Variants in PCNT observed in about 807,000 individuals in gnomAD.
PCNT encodes the protein kendrin.
A neutral mutation model predicts 380.4 loss-of-function variants in PCNT; 319 were observed. That is an observed-to-expected ratio of 0.84 (90% CI 0.77 to 0.92). The LOEUF (loss-of-function observed/expected upper bound fraction) is 0.92, where lower values mean the gene tolerates loss of function less well. Ranked by LOEUF, PCNT falls within the 40% of genes least tolerant of loss-of-function variation. PCNT has a pLI of 0.00. For missense variants in PCNT, 4,400 were observed against 4,255.3 expected (o/e 1.03, Z -0.95); for synonymous variants, 1,845 against 1,735.2 (o/e 1.06, Z -1.57).
chr21:46,369,237 T>C (rs2085035450), intron 15 of PCNT, among the ~76,000 whole-genome samples: 1 of 152,226 alleles, frequency 6.6e-6, no homozygotes, highest in Non-Finnish European at 1.5e-5. Context: ...GTGTTTTGTT[T>C]GTTTCTTTTT....
chr21:46,439,222 GC>G (rs1041123203), intron 41 of PCNT, among the ~76,000 whole-genome samples: 10 of 151,834 alleles, frequency 6.6e-5, no homozygotes, highest in Admixed American at 1.3e-4. Context: ...CACAGCGATG[GC>G]CCCCCCAAAA....
At chr21:46,330,434 T>C (rs1377404807) in intron 2 of PCNT, among the ~76,000 whole-genome samples, 2 of 152,254 alleles carry the variant, frequency 1.3e-5, no homozygotes, top group Non-Finnish European at 2.9e-5. Context: ...TTATTTTCTT[T>C]ATACATGTAT....
chr21:46,444,646 TC>T lies in PCNT; in HGVS notation c.9840-47del, dbSNP rs1306978665. 5 of 1,363,694 alleles carry T rather than the reference TC, an allele frequency of 3.7e-6. No individual in the cohort carries two copies. In the South Asian group the frequency reaches 4.8e-5, roughly 13 times the overall value. 84.5% of individuals were successfully genotyped at this position (1,363,694 alleles called of 1,614,324 possible). ...CATGGCTCCGTCTGTCAAACTCAAC[TC>T]TTTTTTTTTTTTTTTTTCTTCTCTT... is the stretch of plus-strand genomic sequence containing the variant. On this transcript the variant is annotated intron_variant, in intron 45 of 46. Transcript: ENST00000359568.
chr21:46,345,748 C>T (rs1377159919), intron 3 of PCNT, among the ~76,000 whole-genome samples: 1 of 152,216 alleles, frequency 6.6e-6, no homozygotes, highest in Non-Finnish European at 1.5e-5. Context: ...CGCTCTCCTC[C>T]CTCAGCTCCT....
intron 21 of PCNT, among the ~76,000 whole-genome samples, chr21:46,395,129 C>G (rs1157779489): frequency 1.3e-5 from 2 of 152,204 alleles, no homozygotes; most frequent in African/African-American, 4.8e-5. Flanking sequence ...GCGGACTCGC[C>G]GTTAACTGCT....
rs373468550 is a variant in PCNT, at chr21:46,437,130, G to A, written c.9099+49G>A. ...CCCTGGCCTGGCTCCTCCCCCAGAG[G>A]GGCCCTCTCGGCAGCTTTGTGGTTC... is the stretch of plus-strand genomic sequence containing the variant. On this transcript the variant is annotated intron_variant, in intron 40 of 46. Transcript: ENST00000359568. The A allele has an allele frequency of 1.9e-4, 231 of 1,235,764 alleles. 2 individuals carry two copies. The Middle Eastern group carries it at 7.2e-3, about 39-fold the overall frequency. 76.5% of individuals were successfully genotyped at this position (1,235,764 alleles called of 1,614,324 possible). A position where few individuals can be genotyped will look rare whatever the true frequency, so the allele number is the denominator to read the frequency against.
chr21:46,406,454 C>T (rs1195541024), intron 27 of PCNT, among the ~76,000 whole-genome samples: 1 of 152,146 alleles, frequency 6.6e-6, no homozygotes, highest in African/African-American at 2.4e-5. Flanking sequence ...ACACATACAC[C>T]TTTTGTATGT....
At position 46,418,202 on chromosome 21, in the gene PCNT, A is replaced by T. The variant is rs1231983449; in HGVS notation, c.6922-2A>T. On this transcript the variant is annotated splice_acceptor_variant, in intron 30 of 46. Coordinates refer to ENST00000359568, the MANE Select transcript of PCNT (RefSeq NM_006031.6). LOFTEE classifies it high-confidence loss of function. Reference sequence around the variant, plus strand: ...TATGACCATTTAAAAATCTCTTAACAGGAGAAAGATGTCGAAGATTTTATC... The same window carrying T: ...TATGACCATTTAAAAATCTCTTAACTGGAGAAAGATGTCGAAGATTTTATC... 1.3e-6 allele frequency: 2 copies of T among 1,546,482 alleles called. No homozygotes were observed. Among genetic ancestry groups the T allele is most frequent in the Admixed American group, 1.7e-5 (1 of 59,386 alleles).
At chr21:46,338,259 A>G (rs1436024361) in intron 3 of PCNT, among the ~76,000 whole-genome samples, 1 of 152,122 alleles carries the variant, frequency 6.6e-6, no homozygotes, top group Non-Finnish European at 1.5e-5. Flanking sequence ...ACCCTCGAGA[A>G]CAACCCCAGC....
At chr21:46,362,242 A>T (rs2084747503) in intron 13 of PCNT, among the ~76,000 whole-genome samples, 1 of 152,192 alleles carries the variant, frequency 6.6e-6, no homozygotes, top group Non-Finnish European at 1.5e-5. Context: ...CAGGCGTTGC[A>T]GCTCTCTTTC....
intron 39 of PCNT, among the ~76,000 whole-genome samples, chr21:46,436,552 A>G (rs1293659348): frequency 6.9e-6 from 1 of 145,952 alleles, no homozygotes; most frequent in East Asian, 2.1e-4. Context: ...GATATTTCAT[A>G]TGGGCAGAAA....
chr21:46,443,909 GCAGACTGGCAGCAGCAGCCTCCC>G lies in PCNT; in HGVS notation c.9803_9825del (p.Arg3268ThrfsTer60). On this transcript the variant is annotated frameshift_variant, in exon 45 of 47. Coordinates refer to ENST00000359568, the MANE Select transcript of PCNT (RefSeq NM_006031.6). LOFTEE classifies it high-confidence loss of function. ...CACACCAGGGACCCTGCCAGAGGCC[GCAGACTGGCAGCAGCAGCCTCCC>G]CACACAGTGGGGGAAGGTCAGTGTG... 1 of 1,612,576 alleles carries G rather than the reference GCAGACTGGCAGCAGCAGCCTCCC, an allele frequency of 6.2e-7. No individual in the cohort carries two copies. Among genetic ancestry groups the G allele is most frequent in the Non-Finnish European group, 8.5e-7 (1 of 1,179,974 alleles).
At chr21:46,328,290 A>C (rs1217325143) in intron 2 of PCNT, among the ~76,000 whole-genome samples, 1 of 147,556 alleles carries the variant, frequency 6.8e-6, no homozygotes, top group East Asian at 2.0e-4. Flanking sequence ...TTTAAGATAC[A>C]GTCTCTCTGT....
intron 44 of PCNT, 56 bp downstream of exon 44, chr21:46,442,629 G>C: frequency 1.8e-6 from 2 of 1,088,536 alleles, no homozygotes; most frequent in Non-Finnish European, 2.8e-6. Context: ...TTCTACTCTT[G>C]TTTTTCATTC....
intron 15 of PCNT, among the ~76,000 whole-genome samples, chr21:46,368,397 G>A (rs918663945): frequency 3.3e-5 from 5 of 151,326 alleles, no homozygotes; most frequent in South Asian, 4.2e-4. Flanking sequence ...GCAGTGATCC[G>A]AGATCGCACC....
intron 30 of PCNT, among the ~76,000 whole-genome samples, chr21:46,417,184 C>CTTTTTTTTTT (rs71318076): frequency 2.7e-4 from 20 of 73,344 alleles, no homozygotes; most frequent in Admixed American, 4.2e-4. Flanking sequence ...GGAATGCTTC[C>CTTTTTTTTTT]TTTTTTTTTT....
intron 15 of PCNT, among the ~76,000 whole-genome samples, chr21:46,381,392 C>T (rs2085534697): frequency 1.3e-5 from 2 of 152,082 alleles, no homozygotes; most frequent in African/African-American, 4.8e-5. Flanking sequence ...TAGTGTGACT[C>T]TTAAAGATGT....
chr21:46,348,914 C>T (rs1228129277), intron 6 of PCNT, 98 bp from the exon 7 acceptor site: 10 of 827,734 alleles, frequency 1.2e-5, no homozygotes, highest in South Asian at 4.3e-5. Flanking sequence ...GCATGAGCCA[C>T]GTTGCCTGGC....
At chr21:46,354,412 A>G (rs758615275) in intron 11 of PCNT, among the ~76,000 whole-genome samples, 4 of 152,146 alleles carry the variant, frequency 2.6e-5, no homozygotes, top group Non-Finnish European at 4.4e-5. Context: ...GTCCACACGG[A>G]GCGTCTGCTG....
Sources: allele counts gnomAD v4.1 joint callset (sites outside exome capture counted in the v4.1 genomes callset), GRCh38; gene constraint gnomAD v4.1.1; transcripts MANE v1.5; gene names NCBI Gene and HGNC (gene_info 2026-07-23, HGNC 2026-07-21).